The following SYN3 variants were observed in gnomAD, a reference collection of about 807,000 sequenced individuals.
SYN3 encodes the protein synapsin III.
A neutral mutation model predicts 65.8 loss-of-function variants in SYN3; 35 were observed. The observed-to-expected ratio is 0.53, with a 90% CI of 0.41 to 0.70. The LOEUF (loss-of-function observed/expected upper bound fraction) is 0.70. SYN3 is among the 30% of genes least tolerant of loss of function. SYN3 has a pLI of 0.00. For missense variants in SYN3, 680 were observed against 749.0 expected, an observed-to-expected ratio of 0.91 and a Z score of 1.08; for synonymous variants, 270 against 292.9, an observed-to-expected ratio of 0.92 and a Z score of 0.80.
chr22:32,755,778 A>T (rs2045270921), intron 6 of SYN3, among the ~76,000 whole-genome samples: 1 of 152,112 alleles, frequency 6.6e-6, no homozygotes, highest in Non-Finnish European at 1.5e-5. Context: ...GACAAATACC[A>T]CTTAATGCCC....
In SYN3 at chr22:32,518,018, C is replaced by A. The variant is rs1467438732; in HGVS notation, c.1610+25G>T. 7.3e-6 allele frequency: 11 copies of A among 1,508,574 alleles called. No homozygotes were observed. In the South Asian group the frequency reaches 1.5e-4, roughly 21 times the overall value. 93.4% of individuals were successfully genotyped at this position (1,508,574 alleles called of 1,614,324 possible). A position where few individuals can be genotyped will look rare whatever the true frequency, so the allele number is the denominator to read the frequency against. On this transcript the variant is annotated intron_variant, in intron 13 of 13. Coordinates refer to ENST00000358763, the MANE Select transcript of SYN3 (RefSeq NM_003490.4). ...CCTACACCCCAGCTCTATCCTATAC[C>A]TTTTCCAATTCCCAAAGCACTTACT...
chr22:33,040,153 TTTTTTGTATTTTTAATAGAGA>T (rs1476852994), intron 1 of SYN3, among the ~76,000 whole-genome samples: 1 of 113,716 alleles, frequency 8.8e-6, no homozygotes, highest in Non-Finnish European at 2.3e-5. Context: ...TTAATATATA[TTTTTTGTATTTTTAATAGAGA>T]TTTTTGTATT....
intron 6 of SYN3, among the ~76,000 whole-genome samples, chr22:32,601,568 C>T (rs890633224): frequency 8.5e-5 from 13 of 152,286 alleles, no homozygotes; most frequent in East Asian, 5.8e-4. Flanking sequence ...TGAGCCACTG[C>T]GCCCAGCCTC....
intron 7 of SYN3, among the ~76,000 whole-genome samples, chr22:32,575,063 G>T (rs1327566472): frequency 6.6e-6 from 1 of 152,214 alleles, no homozygotes; most frequent in Non-Finnish European, 1.5e-5. Context: ...ACCTAAGCGG[G>T]TGGTTTTCAA....
chr22:32,664,621 C>T lies in SYN3; in HGVS notation c.712-67885G>A, dbSNP rs1486473022. On this transcript the variant is annotated intron_variant, in intron 6 of 13. Coordinates refer to ENST00000358763, the MANE Select transcript of SYN3 (RefSeq NM_003490.4). ...TTTTTTTTTTTTTTTGACAGAGTCT[C>T]GCTCTGTCGCCCAGGCTGGAGTGCA... 3.3e-5 allele frequency among the ~76,000 whole-genome samples: 4 copies of T among 119,420 alleles called. No homozygotes were observed. In the East Asian group the frequency reaches 7.3e-4, roughly 22 times the overall value. 78.3% of individuals were successfully genotyped at this position (119,420 alleles called of 152,430 possible).
intron 7 of SYN3, among the ~76,000 whole-genome samples, chr22:32,571,429 T>G (rs2058757316): frequency 6.6e-6 from 1 of 152,206 alleles, no homozygotes; most frequent in South Asian, 2.1e-4. Context: ...TCAGGCCTTT[T>G]GCTCATCCTA....
intron 6 of SYN3, among the ~76,000 whole-genome samples, chr22:32,768,406 T>A (rs1366754332): frequency 6.6e-6 from 1 of 152,216 alleles, no homozygotes; most frequent in Non-Finnish European, 1.5e-5. Context: ...CCCAAGTTTA[T>A]GCCCAACTCT....
chr22:33,029,103 A>G (rs980950341), intron 1 of SYN3, among the ~76,000 whole-genome samples: 9 of 150,884 alleles, frequency 6.0e-5, no homozygotes, highest in Admixed American at 5.9e-4. Context: ...TCTCACGACA[A>G]CCCTGGCCAG....
At chr22:32,813,318 T>TA (rs1295314366) in intron 6 of SYN3, among the ~76,000 whole-genome samples, 2 of 152,190 alleles carry the variant, frequency 1.3e-5, no homozygotes, top group East Asian at 1.9e-4. Context: ...GGGGAGACAA[T>TA]AGAGAGTGGC....
chr22:33,008,537 T>C (rs2053256139), intron 1 of SYN3, among the ~76,000 whole-genome samples: 1 of 152,200 alleles, frequency 6.6e-6, no homozygotes, highest in East Asian at 1.9e-4. Context: ...ATATGTTGTA[T>C]AGCAGTCATT....
At chr22:32,753,506 C>T (rs2045201116) in intron 6 of SYN3, among the ~76,000 whole-genome samples, 1 of 152,234 alleles carries the variant, frequency 6.6e-6, no homozygotes, top group South Asian at 2.1e-4. Context: ...CAGGGGCCTA[C>T]ACCCAGCCAC....
At chr22:32,868,116 G>A (rs1013095676) in intron 5 of SYN3, among the ~76,000 whole-genome samples, 5 of 152,150 alleles carry the variant, frequency 3.3e-5, no homozygotes, top group Admixed American at 6.6e-5. Context: ...ACACGAGAGC[G>A]ACAGTTTGAG....
intron 6 of SYN3, among the ~76,000 whole-genome samples, chr22:32,682,188 T>A (rs1323052472): frequency 6.6e-6 from 1 of 151,458 alleles, no homozygotes; most frequent in Non-Finnish European, 1.5e-5. Context: ...GGAGTGGGGG[T>A]GGGATGCTAC....
intron 6 of SYN3, among the ~76,000 whole-genome samples, chr22:32,782,747 G>A (rs1264737808): frequency 1.3e-5 from 2 of 151,618 alleles, no homozygotes; most frequent in Non-Finnish European, 2.9e-5. Flanking sequence ...TCCATCTCCT[G>A]ACCTCATGAT....
intron 6 of SYN3, among the ~76,000 whole-genome samples, chr22:32,839,804 T>C (rs2047841782): frequency 6.6e-6 from 1 of 152,174 alleles, no homozygotes; most frequent in African/African-American, 2.4e-5. Context: ...TGTTGTGTTC[T>C]TTTGGGTAAT....
At chr22:32,593,253 T>C (rs2059152672) in intron 7 of SYN3, among the ~76,000 whole-genome samples, 1 of 152,140 alleles carries the variant, frequency 6.6e-6, no homozygotes. Context: ...TGTGTCATTT[T>C]TTTTTTTTTT....
intron 6 of SYN3, among the ~76,000 whole-genome samples, chr22:32,842,495 T>C (rs1459229931): frequency 6.6e-6 from 1 of 152,124 alleles, no homozygotes; most frequent in Non-Finnish European, 1.5e-5. Context: ...GATGAGGAAA[T>C]GCTGAATCAC....
chr22:32,789,081 G>C (rs980009182), intron 6 of SYN3, among the ~76,000 whole-genome samples: 4 of 152,214 alleles, frequency 2.6e-5, no homozygotes, highest in Non-Finnish European at 5.9e-5. Flanking sequence ...CCTCTGAGCC[G>C]CCTTCACTTT....
At chr22:32,541,131 C>A (rs1213474733) in intron 8 of SYN3, among the ~76,000 whole-genome samples, 1 of 152,164 alleles carries the variant, frequency 6.6e-6, no homozygotes, top group Non-Finnish European at 1.5e-5. Context: ...CCTAACTGGT[C>A]TTATTGGCTT....
Sources: allele counts gnomAD v4.1 joint callset (sites outside exome capture counted in the v4.1 genomes callset), GRCh38; gene constraint gnomAD v4.1.1; transcripts MANE v1.5; gene names NCBI Gene and HGNC (gene_info 2026-07-23, HGNC 2026-07-21).